The following MEIS2 variants were observed in gnomAD, a reference collection of about 807,000 sequenced individuals.
MEIS2 encodes homeobox protein Meis2.
In MEIS2, 9 loss-of-function variants were observed where a neutral mutation model predicts 58.6. The ratio of observed to expected loss-of-function variants is 0.15; its 90% CI spans 0.09 to 0.27. MEIS2 has a LOEUF of 0.27. MEIS2 is among the 10% of genes least tolerant of loss of function. The pLI is 1.00. For synonymous variants in MEIS2, 221 were observed against 228.4 expected, an observed-to-expected ratio of 0.97 and a Z score of 0.29; for missense variants, 427 against 635.0, an observed-to-expected ratio of 0.67 and a Z score of 3.52.
rs1400910238 is a variant in MEIS2 at position 36,948,047 on chromosome 15, C to A, written c.977+2277G>T. Reference sequence around the variant, plus strand: ...TTTGCTATACTATCCTCATGAGTAACACCTTATTATCAAAGTTACGGTAGC... The same window carrying A: ...TTTGCTATACTATCCTCATGAGTAAAACCTTATTATCAAAGTTACGGTAGC... On this transcript the variant is annotated intron_variant, in intron 9 of 11. Transcript: ENST00000561208. Among the ~76,000 whole-genome samples, 6 of 152,012 alleles carry A rather than the reference C, an allele frequency of 3.9e-5. No individual in the cohort carries two copies. The East Asian group carries it at 1.2e-3, about 29-fold the overall frequency.
At chr15:36,977,113 C>A (rs2059785733) in intron 8 of MEIS2, among the ~76,000 whole-genome samples, 1 of 151,792 alleles carries the variant, frequency 6.6e-6, no homozygotes, top group Admixed American at 6.6e-5. Context: ...ACAACAAGAG[C>A]AAAACTCCAT....
At chr15:36,930,889 T>G (rs1413709951) in intron 9 of MEIS2, among the ~76,000 whole-genome samples, 4 of 152,222 alleles carry the variant, frequency 2.6e-5, no homozygotes, top group Non-Finnish European at 5.9e-5. Flanking sequence ...ATATTGTTTT[T>G]AATTACCCAG....
chr15:37,036,988 A>C (rs775515512), intron 7 of MEIS2, 29 bp from the exon 8 acceptor site: 13 of 1,580,866 alleles, frequency 8.2e-6, no homozygotes, highest in Non-Finnish European at 1.1e-5. Context: ...AATACATTAG[A>C]GAAAACATCG....
At chr15:37,027,493 G>A (rs2061746210) in intron 8 of MEIS2, among the ~76,000 whole-genome samples, 1 of 152,134 alleles carries the variant, frequency 6.6e-6, no homozygotes, top group Non-Finnish European at 1.5e-5. Flanking sequence ...AATATTCAGG[G>A]ATTTCACTAA....
At position 36,953,736 on chromosome 15, in the gene MEIS2, C is replaced by G. The variant is rs143439220; in HGVS notation, c.901-3336G>C. 3.6e-3 allele frequency among the ~76,000 whole-genome samples: 544 copies of G among 152,330 alleles called. 2 individuals carry two copies. Among genetic ancestry groups the G allele is most frequent in the African/African-American group, 0.012 (511 of 41,578 alleles). ...CTAAGAAGACATGTATGGCTTATGA[C>G]TTCACGTAGATAGAAAATGTATTGT... On this transcript the variant is annotated intron_variant, in intron 8 of 11. Transcript: ENST00000561208.
intron 2 of MEIS2, among the ~76,000 whole-genome samples, chr15:37,097,103 A>G (rs1013070583): frequency 6.6e-6 from 1 of 152,218 alleles, no homozygotes; most frequent in Non-Finnish European, 1.5e-5. Flanking sequence ...GCAGACAAAA[A>G]TAAATAAATC....
chr15:36,930,398 A>G (rs2057929188), intron 9 of MEIS2, among the ~76,000 whole-genome samples: 1 of 152,140 alleles, frequency 6.6e-6, no homozygotes, highest in South Asian at 2.1e-4. Context: ...GAGGCTGGCA[A>G]GGGTCACTAA....
At chr15:37,031,934 G>A (rs1332789157) in intron 8 of MEIS2, among the ~76,000 whole-genome samples, 4 of 151,092 alleles carry the variant, frequency 2.6e-5, no homozygotes, top group African/African-American at 9.8e-5. Context: ...AAACTCCTGG[G>A]CTCAAATGAT....
chr15:37,059,283 C>G (rs1450219416), intron 7 of MEIS2, among the ~76,000 whole-genome samples: 1 of 152,156 alleles, frequency 6.6e-6, no homozygotes, highest in Non-Finnish European at 1.5e-5. Flanking sequence ...CTCTCACATG[C>G]AATCCAGAAT....
intron 8 of MEIS2, among the ~76,000 whole-genome samples, chr15:37,020,143 C>T (rs996835032): frequency 6.6e-6 from 1 of 152,078 alleles, no homozygotes; most frequent in Non-Finnish European, 1.5e-5. Flanking sequence ...TCCTCCTGCT[C>T]GCTGTGAATT....
intron 9 of MEIS2, among the ~76,000 whole-genome samples, chr15:36,912,878 T>C (rs893134843): frequency 2.6e-5 from 4 of 151,216 alleles, no homozygotes; most frequent in African/African-American, 9.7e-5. Flanking sequence ...GTCAAAGTGA[T>C]GTCAGTGTAA....
At chr15:36,997,684 T>C (rs1428200736) in intron 8 of MEIS2, among the ~76,000 whole-genome samples, 1 of 152,036 alleles carries the variant, frequency 6.6e-6, no homozygotes, top group African/African-American at 2.4e-5. Context: ...GGTTTCGCCG[T>C]GTTAGCCAGG....
intron 8 of MEIS2, among the ~76,000 whole-genome samples, chr15:36,986,285 C>T (rs75119996): frequency 0.018 from 2,789 of 152,264 alleles, 100 homozygotes; most frequent in African/African-American, 0.062. Flanking sequence ...CTTTCAGCTC[C>T]GAACTTTCTC....
chr15:36,964,908 G>A (rs2059306847), intron 8 of MEIS2, among the ~76,000 whole-genome samples: 1 of 152,116 alleles, frequency 6.6e-6, no homozygotes, highest in Non-Finnish European at 1.5e-5. Context: ...ATTAGCAATT[G>A]CATTTATAGC....
At chr15:37,099,282 A>G in intron 1 of MEIS2, 173 bp downstream of exon 1, 1 of 1,476,896 alleles carries the variant, frequency 6.8e-7, no homozygotes. Flanking sequence ...GCACACACGC[A>G]GAGGCACGGG....
At chr15:36,896,925 T>C in intron 9 of MEIS2, 1 of 416,918 alleles carries the variant, frequency 2.4e-6, no homozygotes, top group Non-Finnish European at 4.3e-6. Flanking sequence ...AATAAAGTTC[T>C]CCATGAGAAA....
At chr15:37,094,065 G>T (rs747387912) in intron 5 of MEIS2, 1 of 301,468 alleles carries the variant, frequency 3.3e-6, no homozygotes, top group Admixed American at 4.6e-5. Flanking sequence ...TTACAACATT[G>T]GAGCTGGGGA....
chr15:36,894,865 G>C, intron 11 of MEIS2: 1 of 1,396,894 alleles, frequency 7.2e-7, no homozygotes, highest in South Asian at 1.2e-5. Flanking sequence ...AATAATTGAT[G>C]GTGAAAAAAT....
At chr15:37,083,728 T>C in intron 7 of MEIS2, 43 bp downstream of exon 7, 1 of 1,523,180 alleles carries the variant, frequency 6.6e-7, no homozygotes, top group Non-Finnish European at 9.1e-7. Flanking sequence ...GAAGTTATTT[T>C]AGTCATGCCT....
Sources: gnomAD v4.1 joint callset for allele counts (sites outside exome capture counted in the v4.1 genomes callset) on GRCh38, gnomAD v4.1.1 for gene constraint, MANE v1.5 for transcripts, NCBI Gene and HGNC (gene_info 2026-07-23, HGNC 2026-07-21) for gene names.